The following ITPRID1 variants were observed in gnomAD, a reference collection of about 807,000 sequenced individuals.
ITPRID1 encodes the protein protein ITPRID1.
Under a neutral mutation model 95.4 loss-of-function variants are expected in ITPRID1, and 96 were observed. The ratio of observed to expected loss-of-function variants is 1.01; its 90% confidence interval spans 0.85 to 1.19. The LOEUF (loss-of-function observed/expected upper bound fraction) is 1.19, where lower values mean the gene tolerates loss of function less well. Among genes scored for constraint, ITPRID1 ranks in the 50% most tolerant of loss-of-function variants. The pLI, the probability that ITPRID1 is intolerant of heterozygous loss-of-function variation, is 0.00. For missense variants in ITPRID1, 1,339 were observed against 1,252.9 expected (o/e 1.07, Z -1.04); for synonymous variants, 510 against 453.6 (o/e 1.12, Z -1.58).
At chr7:31,514,571 G>A (rs1395245606) in intron 1 of ITPRID1, among the ~76,000 whole-genome samples, 1 of 152,098 alleles carries the variant, frequency 6.6e-6, no homozygotes, top group Non-Finnish European at 1.5e-5. Context: ...ATGAGGGAGA[G>A]AGAGAGTCCA....
chr7:31,581,082 G>A (rs1785386582), intron 9 of ITPRID1, among the ~76,000 whole-genome samples: 1 of 152,108 alleles, frequency 6.6e-6, no homozygotes, highest in African/African-American at 2.4e-5. Context: ...ATTTTTCAAT[G>A]TCAAATTTTA....
intron 1 of ITPRID1, among the ~76,000 whole-genome samples, chr7:31,516,857 C>T (rs1783058136): frequency 6.6e-6 from 1 of 152,132 alleles, no homozygotes; most frequent in Non-Finnish European, 1.5e-5. Flanking sequence ...AAGAATGAAG[C>T]CACAGACCCT....
intron 10 of ITPRID1, among the ~76,000 whole-genome samples, chr7:31,588,054 G>A (rs903948119): frequency 2.0e-5 from 3 of 152,164 alleles, no homozygotes; most frequent in African/African-American, 7.2e-5. Context: ...TCTCCAATGA[G>A]TAGATTCCTT....
intron 10 of ITPRID1, among the ~76,000 whole-genome samples, chr7:31,618,928 C>A (rs1787531137): frequency 6.6e-6 from 1 of 152,166 alleles, no homozygotes; most frequent in Non-Finnish European, 1.5e-5. Context: ...AATGGTTTAT[C>A]ATATGTGTCG....
At chr7:31,640,187 G>A (rs1317899092) in intron 10 of ITPRID1, among the ~76,000 whole-genome samples, 1 of 152,192 alleles carries the variant, frequency 6.6e-6, no homozygotes, top group African/African-American at 2.4e-5. Context: ...ACACTTCTGA[G>A]TATTCTACCC....
chr7:31,585,434 G>A (rs1785555697), intron 10 of ITPRID1, among the ~76,000 whole-genome samples: 1 of 151,952 alleles, frequency 6.6e-6, no homozygotes, highest in Admixed American at 6.6e-5. Context: ...CCCCCCAAAA[G>A]TAAAATGCCA....
chr7:31,612,999 C>T (rs1041063376), intron 10 of ITPRID1, among the ~76,000 whole-genome samples: 1 of 152,174 alleles, frequency 6.6e-6, no homozygotes, highest in African/African-American at 2.4e-5. Context: ...GATTTCCTGA[C>T]TTAGGAATCT....
intron 10 of ITPRID1, among the ~76,000 whole-genome samples, chr7:31,617,651 AG>A (rs11309495): frequency 0.97 from 147,776 of 151,776 alleles, 71,960 homozygotes; most frequent in East Asian, 0.99. Context: ...CATCTTTTAA[AG>A]GAAAAAAAAA....
At chr7:31,658,309 T>C (rs113645776), downstream of ITPRID1, 8 of 1,520,956 alleles carry the variant, frequency 5.3e-6, no homozygotes, top group Admixed American at 2.1e-5. Context: ...CTTTTTTTTT[T>C]CTTCAAAAGC....
rs147656859 is a variant in ITPRID1, at chr7:31,643,159, C to G, written c.1789C>G (p.Gln597Glu). ...GKVQSHHNESQRSPGNDHTQD... is the reference protein window; with the variant it reads ...GKVQSHHNESERSPGNDHTQD... Reference sequence around the variant, plus strand: ...AGTGCAAAGCCACCACAATGAGTCTCAAAGGTCACCTGGAAATGATCATAC... The same window carrying G: ...AGTGCAAAGCCACCACAATGAGTCTGAAAGGTCACCTGGAAATGATCATAC... Residue 597 changes from glutamine to glutamate, a missense_variant, in exon 12 of 15, where the codon CAA (glutamine) becomes GAA (glutamate). Transcript: ENST00000615280. The G allele has an allele frequency of 6.2e-7, 1 of 1,613,854 alleles. No homozygotes were observed. Among genetic ancestry groups the G allele is most frequent in the Non-Finnish European group, 8.5e-7 (1 of 1,179,898 alleles).
At chr7:31,558,287 T>C (rs1247397319) in intron 5 of ITPRID1, among the ~76,000 whole-genome samples, 1 of 152,132 alleles carries the variant, frequency 6.6e-6, no homozygotes, top group African/African-American at 2.4e-5. Flanking sequence ...GTCTGCGGTA[T>C]TGTGTTATAG....
intron 10 of ITPRID1, among the ~76,000 whole-genome samples, chr7:31,627,644 A>G (rs1243968676): frequency 7.0e-6 from 1 of 143,000 alleles, no homozygotes; most frequent in Middle Eastern, 3.6e-3. Context: ...TGAGCAACAG[A>G]GCAAGACACT....
At chr7:31,529,046 GA>G (rs1412475506) in intron 1 of ITPRID1, among the ~76,000 whole-genome samples, 1 of 152,140 alleles carries the variant, frequency 6.6e-6, no homozygotes, top group Non-Finnish European at 1.5e-5. Flanking sequence ...TTCCTAATGT[GA>G]AATCGTCTCA....
intron 8 of ITPRID1, among the ~76,000 whole-genome samples, chr7:31,576,767 C>T (rs1439913526): frequency 6.6e-6 from 1 of 152,210 alleles, no homozygotes; most frequent in Non-Finnish European, 1.5e-5. Context: ...CAAAAGACAG[C>T]ATCCTTGCCC....
At chr7:31,539,121 T>C (rs1488023478) in intron 1 of ITPRID1, among the ~76,000 whole-genome samples, 1 of 152,220 alleles carries the variant, frequency 6.6e-6, no homozygotes, top group Non-Finnish European at 1.5e-5. Flanking sequence ...GTTTTGACAG[T>C]TATTAACAAA....
chr7:31,632,607 C>T (rs1789111756), intron 10 of ITPRID1, among the ~76,000 whole-genome samples: 1 of 152,016 alleles, frequency 6.6e-6, no homozygotes, highest in Non-Finnish European at 1.5e-5. Context: ...TCAGTGTAAC[C>T]CAACACTGGG....
chr7:31,636,645 C>G (rs555826128), intron 10 of ITPRID1, among the ~76,000 whole-genome samples: 7 of 152,034 alleles, frequency 4.6e-5, no homozygotes, highest in African/African-American at 9.6e-5. Context: ...CTCACGCTCT[C>G]CTATCCCATA....
chr7:31,657,264 T>C (rs1004554279), downstream of ITPRID1, among the ~76,000 whole-genome samples: 2 of 133,004 alleles, frequency 1.5e-5, no homozygotes, highest in African/African-American at 5.6e-5. Context: ...GATTTCCTGA[T>C]TTGTTAAATC....
intron 1 of ITPRID1, among the ~76,000 whole-genome samples, chr7:31,525,379 C>A (rs572634618): frequency 4.8e-4 from 73 of 152,230 alleles, no homozygotes; most frequent in African/African-American, 1.7e-3. Flanking sequence ...GGCCTCTATC[C>A]ACCAGATACT....
Sources: allele counts gnomAD v4.1 joint callset (sites outside exome capture counted in the v4.1 genomes callset), GRCh38; gene constraint gnomAD v4.1.1; transcripts MANE v1.5; gene names NCBI Gene and HGNC (gene_info 2026-07-23, HGNC 2026-07-21).